Variants in HSF2 observed in about 807,000 individuals in gnomAD.
The protein encoded by HSF2 is heat shock transcription factor 2.
Under a neutral mutation model 65.0 loss-of-function variants are expected in HSF2, and 21 were observed. The observed-to-expected ratio is 0.32, with a 90% CI of 0.23 to 0.47. The LOEUF is 0.47. Among genes scored for constraint, HSF2 ranks in the 20% least tolerant of loss-of-function variants. HSF2 has a pLI of 1.00. For missense variants in HSF2, 499 were observed against 628.1 expected, an observed-to-expected ratio of 0.79 and a Z score of 2.20; for synonymous variants, 225 against 219.1, an observed-to-expected ratio of 1.03 and a Z score of -0.24.
In HSF2 at chr6:122,404,521, G is replaced by A. The variant is rs942273863; in HGVS notation, c.93+4691G>A. ...TTAGCAAGCCACAAATTTCTGTTCC[G>A]AAAAATGTTTTAAAGTAATGTGGCT... On this transcript the variant is annotated intron_variant, in intron 1 of 12. Transcript: ENST00000368455. Among the ~76,000 whole-genome samples, 6 of 152,144 alleles carry A rather than the reference G, an allele frequency of 3.9e-5. 1 individual carries two copies. The highest frequency in any genetic ancestry group is 2.0e-4 in the Admixed American group (3 of 15,276).
At chr6:122,425,326 G>T (rs1311619030) in intron 10 of HSF2, among the ~76,000 whole-genome samples, 1 of 151,746 alleles carries the variant, frequency 6.6e-6, no homozygotes, top group East Asian at 1.9e-4. Context: ...TTTTTTCATT[G>T]TAAGTACGCT....
chr6:122,430,375 T>C (rs750469632), intron 11 of HSF2, among the ~76,000 whole-genome samples: 23 of 152,090 alleles, frequency 1.5e-4, no homozygotes, highest in Non-Finnish European at 3.1e-4. Context: ...TTTTTTATTG[T>C]GTCTATTTGA....
intron 1 of HSF2, among the ~76,000 whole-genome samples, chr6:122,411,898 A>G (rs553491652): frequency 2.0e-5 from 3 of 152,086 alleles, no homozygotes; most frequent in South Asian, 4.1e-4. Flanking sequence ...GTAACCACGT[A>G]TCTTACTGAA....
At chr6:122,400,046 TG>T (rs1416266947) in intron 1 of HSF2, among the ~76,000 whole-genome samples, 1 of 151,088 alleles carries the variant, frequency 6.6e-6, no homozygotes, top group East Asian at 2.0e-4. Context: ...CAGGCCGCGG[TG>T]GGGGAGGGGC....
chr6:122,427,733 TTTTG>T (rs1323997723), intron 10 of HSF2, among the ~76,000 whole-genome samples, 166 bp from the exon 11 acceptor site: 1 of 152,094 alleles, frequency 6.6e-6, no homozygotes, highest in Non-Finnish European at 1.5e-5. Context: ...CTTGTTCTGC[TTTTG>T]TTTGTTTTTC....
At chr6:122,417,152 T>G (rs1582614202) in intron 5 of HSF2, among the ~76,000 whole-genome samples, 1 of 152,116 alleles carries the variant, frequency 6.6e-6, no homozygotes, top group South Asian at 2.1e-4. Context: ...TACTGTGTTT[T>G]TTTTTTTTTT....
chr6:122,422,105 C>CA (rs776761279), intron 7 of HSF2, 45 bp from the exon 8 acceptor site: 30 of 1,351,206 alleles, frequency 2.2e-5, no homozygotes, highest in Non-Finnish European at 2.8e-5. Context: ...GTTTGGTAGT[C>CA]AATGATTTTG....
intron 7 of HSF2, among the ~76,000 whole-genome samples, chr6:122,420,450 C>T (rs999298989): frequency 4.6e-5 from 7 of 152,074 alleles, no homozygotes; most frequent in African/African-American, 7.2e-5. Context: ...TCTCTCTCCC[C>T]GTCTCTTGTC....
intron 10 of HSF2, among the ~76,000 whole-genome samples, chr6:122,426,273 G>A (rs1412703948): frequency 6.6e-6 from 1 of 152,108 alleles, no homozygotes; most frequent in Non-Finnish European, 1.5e-5. Context: ...GAAGAGTTTA[G>A]TACCAGTACT....
Position 122,422,805 on chromosome 6 carries a change from A to G in HSF2, c.918A>G (p.Glu306=). The G allele has an allele frequency of 6.2e-7, 1 of 1,613,758 alleles. No individual in the cohort carries two copies. Among genetic ancestry groups the G allele is most frequent in the Non-Finnish European group, 8.5e-7 (1 of 1,179,780 alleles). The part of the protein sequence containing the change: ...APVIQSGEQN[E]PARESLSSGS... ...TCATTCAGAGTGGAGAGCAGAATGA[A>G]CCAGCCAGAGAATCCCTAAGTTCAG... The change falls in exon 9 of 13, where the codon GAA becomes GAG. Residue 306 remains glutamate, a synonymous_variant. Transcript: ENST00000368455.
intron 11 of HSF2, among the ~76,000 whole-genome samples, chr6:122,430,419 A>G (rs1252282820): frequency 6.6e-6 from 1 of 152,142 alleles, no homozygotes; most frequent in African/African-American, 2.4e-5. Context: ...ATGTTTTAGA[A>G]TAACGGTGAC....
chr6:122,401,746 G>A (rs1477227173), intron 1 of HSF2, among the ~76,000 whole-genome samples: 1 of 152,186 alleles, frequency 6.6e-6, no homozygotes, highest in African/African-American at 2.4e-5. Context: ...TTTAATAATT[G>A]TTTGATGAAT....
In HSF2 at chr6:122,432,325, A is replaced by C; in HGVS notation, c.*105A>C. On this transcript the variant is annotated 3_prime_UTR_variant, in exon 13 of 13. Coordinates refer to ENST00000368455, the MANE Select transcript of HSF2 (RefSeq NM_004506.4). ...TTTTGTAAATTGCTTTGTTTTGTTTAATCAGATACTGTGGAATAAAAGCAC... is the reference window on the plus strand; with the variant it reads ...TTTTGTAAATTGCTTTGTTTTGTTTCATCAGATACTGTGGAATAAAAGCAC... 1.1e-6 allele frequency: 1 copy of C among 932,200 alleles called. No individual in the cohort carries two copies. The highest frequency in any genetic ancestry group is 2.5e-5 in the Admixed American group (1 of 40,176). The allele number at this position is 932,200 out of a possible 1,614,324, so 57.7% of individuals were successfully genotyped here.
intron 8 of HSF2, 71 bp downstream of exon 8, chr6:122,422,369 C>A (rs1582617928): frequency 9.5e-7 from 1 of 1,053,556 alleles, no homozygotes; most frequent in Non-Finnish European, 1.4e-6. Flanking sequence ...AAATTCAAAA[C>A]TACTTTGTTC....
At chr6:122,409,336 TTGA>T (rs1773937813) in intron 1 of HSF2, among the ~76,000 whole-genome samples, 1 of 151,886 alleles carries the variant, frequency 6.6e-6, no homozygotes, top group Admixed American at 6.6e-5. Flanking sequence ...AAAGAGGGCA[TTGA>T]ATTTGATATT....
chr6:122,416,200 G>A (rs776126922), intron 4 of HSF2, 21 bp from the exon 5 acceptor site: 4 of 1,484,858 alleles, frequency 2.7e-6, no homozygotes, highest in Non-Finnish European at 3.7e-6. Context: ...TTGTTTTGTT[G>A]CTTAATAAAT....
chr6:122,422,206 C>A lies in HSF2; in HGVS notation c.738C>A (p.Ile246=). The part of the protein sequence containing the change: ...LKPRERISDD[I]IIYDVTDDNA... The stretch of plus-strand genomic sequence containing the variant: ...CAAGGGAGAGGATTTCAGATGACAT[C>A]ATTATTTATGATGTTACTGATGATA... Residue 246 remains isoleucine (I), a synonymous_variant, in exon 8 of 13, where the codon ATC becomes ATA. Transcript: ENST00000368455. 1 of 1,601,380 alleles carries A rather than the reference C, an allele frequency of 6.2e-7. No individual in the cohort carries two copies. The highest frequency in any genetic ancestry group is 8.6e-7 in the Non-Finnish European group (1 of 1,169,298).
At chr6:122,415,586 AT>A (rs1363282968) in intron 4 of HSF2, among the ~76,000 whole-genome samples, 5 of 151,414 alleles carry the variant, frequency 3.3e-5, no homozygotes, top group East Asian at 3.9e-4. Flanking sequence ...AGATTAGCTT[AT>A]TTTTTTTTAA....
chr6:122,411,501 A>T (rs1374438078), intron 1 of HSF2, among the ~76,000 whole-genome samples: 1 of 151,782 alleles, frequency 6.6e-6, no homozygotes, highest in East Asian at 1.9e-4. Context: ...TTAGTGTTAC[A>T]TTTAATAAAT....
Sources: gnomAD v4.1 joint callset for allele counts (sites outside exome capture counted in the v4.1 genomes callset) on GRCh38, gnomAD v4.1.1 for gene constraint, MANE v1.5 for transcripts, NCBI Gene and HGNC (gene_info 2026-07-23, HGNC 2026-07-21) for gene names.